The following PTPN12 variants were observed in gnomAD, a reference collection of about 807,000 sequenced individuals.
PTPN12 encodes protein tyrosine phosphatase non-receptor type 12.
PTPN12 carries 29 observed loss-of-function variants against 97.6 expected under a neutral mutation model. The ratio of observed to expected loss-of-function variants is 0.30; its 90% CI spans 0.22 to 0.41. The LOEUF (loss-of-function observed/expected upper bound fraction) is 0.41. Among genes scored for constraint, PTPN12 ranks in the 10% least tolerant of loss-of-function variants. The probability of loss-of-function intolerance (pLI) is 1.00; values close to 1 mark genes in which losing one functional copy is unlikely to be tolerated. For synonymous variants in PTPN12, 327 were observed against 300.4 expected (o/e 1.09, Z -0.91); for missense variants, 819 against 926.0 (o/e 0.88, Z 1.50).
Position 77,564,975 on chromosome 7 carries a change from C to T in PTPN12, c.100-6103C>T, listed in dbSNP as rs1808197179. 2.8e-5 allele frequency among the ~76,000 whole-genome samples: 4 copies of T among 142,666 alleles called. No individual in the cohort carries two copies. The South Asian group carries it at 8.4e-4, about 30-fold the overall frequency. The allele number at this position is 142,666 out of a possible 152,430, so 93.6% of individuals were successfully genotyped here. A position where few individuals can be genotyped will look rare whatever the true frequency, so the allele number is the denominator to read the frequency against. On this transcript the variant is annotated intron_variant, in intron 1 of 17. Coordinates refer to ENST00000248594, the MANE Select transcript of PTPN12 (RefSeq NM_002835.4). ...GTTTCACCATGTTGGCCAGGATGGTCTCGATCTCCTGACTTCGTGATCTAC... is the reference window on the plus strand; with the variant it reads ...GTTTCACCATGTTGGCCAGGATGGTTTCGATCTCCTGACTTCGTGATCTAC...
At chr7:77,537,693 C>T in intron 1 of PTPN12, 48 bp downstream of exon 1, 2 of 1,531,676 alleles carry the variant, frequency 1.3e-6, no homozygotes, top group Non-Finnish European at 1.8e-6. Flanking sequence ...CGCCGGAGCC[C>T]ATCGCCGCCT....
At chr7:77,550,547 T>A (rs1217445587) in intron 1 of PTPN12, among the ~76,000 whole-genome samples, 1 of 152,146 alleles carries the variant, frequency 6.6e-6, no homozygotes, top group Non-Finnish European at 1.5e-5. Flanking sequence ...CATTATTAAC[T>A]GAAGAGTAAT....
chr7:77,568,864 C>A (rs1808362059), intron 1 of PTPN12, among the ~76,000 whole-genome samples: 1 of 152,102 alleles, frequency 6.6e-6, no homozygotes, highest in Non-Finnish European at 1.5e-5. Flanking sequence ...TTTTGAAATG[C>A]ACTGATACTA....
chr7:77,578,859 C>G (rs976117524), intron 2 of PTPN12, among the ~76,000 whole-genome samples: 2 of 152,106 alleles, frequency 1.3e-5, no homozygotes, highest in African/African-American at 2.4e-5. Flanking sequence ...CGTCTAACCT[C>G]AAATACTTAC....
intron 14 of PTPN12, among the ~76,000 whole-genome samples, chr7:77,633,239 C>G (rs527603950): frequency 2.6e-5 from 4 of 151,218 alleles, no homozygotes; most frequent in Non-Finnish European, 5.9e-5. Context: ...TATTGCACTC[C>G]AACCTGGGCA....
chr7:77,626,167 G>C (rs1054685043), intron 12 of PTPN12, among the ~76,000 whole-genome samples: 1 of 152,168 alleles, frequency 6.6e-6, no homozygotes, highest in African/African-American at 2.4e-5. Context: ...ATGATGCATA[G>C]AGAGCTAAGC....
At chr7:77,537,968 A>C in intron 1 of PTPN12, 1 of 787,934 alleles carries the variant, frequency 1.3e-6, no homozygotes, top group Non-Finnish European at 1.5e-6. Context: ...TAGGCAAGTG[A>C]GGTGCAGGCC....
chr7:77,620,603 G>A (rs1200592790), intron 12 of PTPN12, among the ~76,000 whole-genome samples: 1 of 152,194 alleles, frequency 6.6e-6, no homozygotes, highest in Non-Finnish European at 1.5e-5. Context: ...AAGTAAAATA[G>A]TATATTTTGT....
intron 1 of PTPN12, among the ~76,000 whole-genome samples, chr7:77,542,837 T>C (rs1807044833): frequency 6.6e-6 from 1 of 152,140 alleles, no homozygotes. Flanking sequence ...AGTAGAAATG[T>C]AGAGCTCAAG....
At position 77,580,094 on chromosome 7, in the gene PTPN12, G is replaced by A. The variant is rs111291274; in HGVS notation, c.209-1333G>A. 1.2e-3 allele frequency among the ~76,000 whole-genome samples: 182 copies of A among 152,206 alleles called. 3 individuals carry two copies. The highest frequency in any genetic ancestry group is 4.2e-3 in the African/African-American group (176 of 41,524). ...TAATGTTTTTAATAGGAAAAAAATG[G>A]CCCATCAGTAGAGTAGCTAAATAAA... is the stretch of plus-strand genomic sequence containing the variant. On this transcript the variant is annotated intron_variant, in intron 2 of 17. Transcript: ENST00000248594.
At chr7:77,622,362 G>A (rs970461601) in intron 12 of PTPN12, among the ~76,000 whole-genome samples, 1 of 152,116 alleles carries the variant, frequency 6.6e-6, no homozygotes, top group Non-Finnish European at 1.5e-5. Flanking sequence ...ACAATACAGA[G>A]TAAAATGAAA....
chr7:77,596,357 C>CTT (rs1460461941), intron 6 of PTPN12, among the ~76,000 whole-genome samples: 1 of 151,876 alleles, frequency 6.6e-6, no homozygotes, highest in East Asian at 1.9e-4. Context: ...TGTTAGGAGA[C>CTT]TTTATCTGAT....
chr7:77,596,051 GT>G (rs1788013088), intron 6 of PTPN12, among the ~76,000 whole-genome samples: 1 of 152,150 alleles, frequency 6.6e-6, no homozygotes, highest in Non-Finnish European at 1.5e-5. Flanking sequence ...AGGTAAAATG[GT>G]TGAAGATAGG....
rs1789213263 is a variant in PTPN12, at chr7:77,627,003, C to T, written c.1324C>T (p.Pro442Ser). ...TTTAAGTTTTGAGATTAAGAAGGTCCCTCTCCAAGAGGGACCAAAAAGTTT... is the reference window on the plus strand; with the variant it reads ...TTTAAGTTTTGAGATTAAGAAGGTCTCTCTCCAAGAGGGACCAAAAAGTTT... ...RNLSFEIKKVPLQEGPKSFDG... is the reference protein window; with the variant it reads ...RNLSFEIKKVSLQEGPKSFDG... Residue 442 changes from proline to serine, a missense_variant, in exon 13 of 18, where the codon CCT (proline) becomes TCT (serine). By Grantham distance (74) the Pro-to-Ser change is moderately conservative. This residue lies in a region of PTPN12 where 607 missense variants were observed against 577.3 expected (regional missense o/e 1.05). Transcript: ENST00000248594. 6.2e-7 allele frequency: 1 copy of T among 1,608,964 alleles called. No homozygotes were observed. The highest frequency in any genetic ancestry group is 8.5e-7 in the Non-Finnish European group (1 of 1,178,512).
At position 77,610,656 on chromosome 7, in the gene PTPN12, T is replaced by C. The variant is rs564004326; in HGVS notation, c.763-109T>C. 2.7e-5 allele frequency: 31 copies of C among 1,133,986 alleles called. No individual in the cohort carries two copies. In the South Asian group the frequency reaches 3.8e-4, roughly 14 times the overall value. 70.2% of individuals were successfully genotyped at this position (1,133,986 alleles called of 1,614,324 possible). A position where few individuals can be genotyped will look rare whatever the true frequency, so the allele number is the denominator to read the frequency against. The stretch of plus-strand genomic sequence containing the variant: ...GATGCATTAAGTGGTGTTCAATAAA[T>C]GTTTGCAGTAAACCAGCAGGTATTT... On this transcript the variant is annotated intron_variant, in intron 9 of 17. Coordinates refer to ENST00000248594, the MANE Select transcript of PTPN12 (RefSeq NM_002835.4).
chr7:77,624,569 A>C (rs1468288942), intron 12 of PTPN12, among the ~76,000 whole-genome samples: 1 of 151,862 alleles, frequency 6.6e-6, no homozygotes. Flanking sequence ...CTTCCTGAGT[A>C]GCTGGGATTA....
rs140708584 is a variant in PTPN12 at position 77,602,901 on chromosome 7, A to C, written c.695+2095A>C. On this transcript the variant is annotated intron_variant, in intron 8 of 17. Transcript: ENST00000248594. ...TTATAAAAAGTAAATGAGATTTTTC[A>C]AACTTAAGAGATTTATTTTTTATTA... 3.4e-3 allele frequency among the ~76,000 whole-genome samples: 517 copies of C among 152,336 alleles called. 1 individual carries two copies. Among genetic ancestry groups the C allele is most frequent in the Non-Finnish European group, 6.6e-3 (450 of 68,020 alleles).
intron 17 of PTPN12, 55 bp downstream of exon 17, chr7:77,638,786 A>T: frequency 6.5e-7 from 1 of 1,543,508 alleles, no homozygotes; most frequent in Admixed American, 2.2e-5. Flanking sequence ...CAGGAATGAG[A>T]AAAGCTCATT....
chr7:77,634,819 C>T (rs534695276), intron 14 of PTPN12, among the ~76,000 whole-genome samples: 10 of 151,088 alleles, frequency 6.6e-5, no homozygotes, highest in South Asian at 4.2e-4. Context: ...ACCTCGTGAT[C>T]GCCCGCCTCA....
Sources: allele counts gnomAD v4.1 joint callset (sites outside exome capture counted in the v4.1 genomes callset), GRCh38; gene constraint gnomAD v4.1.1; regional missense constraint gnomAD v4.1.1; transcripts MANE v1.5; gene names NCBI Gene and HGNC (gene_info 2026-07-23, HGNC 2026-07-21).